Variants in UBAP1 observed in about 807,000 individuals in gnomAD.
UBAP1 encodes ubiquitin associated protein 1.
In UBAP1, 5 loss-of-function variants were observed where a neutral mutation model predicts 39.0. That is an observed-to-expected ratio of 0.13 (90% CI 0.07 to 0.27). UBAP1 has a LOEUF of 0.27. UBAP1 is among the 10% of genes least tolerant of loss of function. The pLI, the probability that UBAP1 is intolerant of heterozygous loss-of-function variation, is 1.00. For missense variants in UBAP1, 490 were observed against 608.1 expected (o/e 0.81, Z 2.04); for synonymous variants, 211 against 225.1 (o/e 0.94, Z 0.56).
intron 2 of UBAP1, among the ~76,000 whole-genome samples, chr9:34,228,527 C>T (rs1057092885): frequency 4.6e-5 from 7 of 151,188 alleles, no homozygotes; most frequent in African/African-American, 7.3e-5. Flanking sequence ...ATAGTACTTA[C>T]GGTGGTCTCT....
chr9:34,184,926 CTTTTTTTTTTT>C (rs35634769), intron 1 of UBAP1, among the ~76,000 whole-genome samples: 6 of 105,030 alleles, frequency 5.7e-5, no homozygotes, highest in Non-Finnish European at 9.8e-5. Flanking sequence ...CCAGCCAATC[CTTTTTTTTTTT>C]TTTTTTTTTT....
At chr9:34,244,255 TTTGA>T (rs1273130240) in intron 4 of UBAP1, among the ~76,000 whole-genome samples, 1 of 151,858 alleles carries the variant, frequency 6.6e-6, no homozygotes, top group African/African-American at 2.4e-5. Context: ...GTTCAATTGC[TTTGA>T]TTTTTAGATC....
chr9:34,189,189 C>CTT (rs779162347), intron 1 of UBAP1, among the ~76,000 whole-genome samples: 196 of 138,864 alleles, frequency 1.4e-3, no homozygotes, highest in Non-Finnish European at 2.1e-3. Flanking sequence ...ATCATTATAT[C>CTT]TTTTTTTTTT....
chr9:34,228,475 T>C (rs1327214758), intron 2 of UBAP1, among the ~76,000 whole-genome samples: 1 of 151,864 alleles, frequency 6.6e-6, no homozygotes, highest in Non-Finnish European at 1.5e-5. Context: ...TTGGTTATAT[T>C]TGGAAGACAT....
intron 1 of UBAP1, among the ~76,000 whole-genome samples, chr9:34,211,380 A>T (rs1832009134): frequency 6.6e-6 from 1 of 152,156 alleles, no homozygotes; most frequent in Non-Finnish European, 1.5e-5. Context: ...TTGAAATGTG[A>T]TGATTCCCAA....
intron 6 of UBAP1, 121 bp downstream of exon 6, chr9:34,250,880 A>G (rs778355685): frequency 1.4e-5 from 11 of 802,306 alleles, no homozygotes; most frequent in Non-Finnish European, 2.3e-5. Context: ...AGGTACAAGT[A>G]TTTGAAGGGC....
At chr9:34,226,126 TG>T (rs1211422129) in intron 2 of UBAP1, among the ~76,000 whole-genome samples, 1,502 of 141,020 alleles carry the variant, frequency 0.011, 31 homozygotes, top group African/African-American at 0.032. Flanking sequence ...TGTGTGTGTG[TG>T]TGTGTGTGTG....
chr9:34,242,925 G>A (rs1029045006), intron 4 of UBAP1, among the ~76,000 whole-genome samples: 2 of 152,158 alleles, frequency 1.3e-5, no homozygotes, highest in Non-Finnish European at 2.9e-5. Flanking sequence ...ACCATAACAA[G>A]CCTGCTATTA....
At chr9:34,222,848 G>GA (rs1176178789) in intron 2 of UBAP1, among the ~76,000 whole-genome samples, 3 of 151,434 alleles carry the variant, frequency 2.0e-5, no homozygotes, top group Non-Finnish European at 4.4e-5. Flanking sequence ...AAGAAAAAGG[G>GA]AAAAAAAGGC....
chr9:34,242,811 C>T lies in UBAP1; in HGVS notation c.1083+703C>T, dbSNP rs36112918. ...AATTCCTGGGATTACAGGGGTGAGC[C>T]GCTGTGTCCGGCCAGCTTACAGATT... On this transcript the variant is annotated intron_variant, in intron 4 of 6. Coordinates refer to ENST00000297661, the MANE Select transcript of UBAP1 (RefSeq NM_016525.5). Among the ~76,000 whole-genome samples, 735 of 152,258 alleles carry T rather than the reference C, an allele frequency of 4.8e-3. 3 individuals are homozygous for T. The highest frequency in any genetic ancestry group is 5.3e-3 in the Non-Finnish European group (363 of 68,014).
At chr9:34,207,114 T>C (rs1831749495) in intron 1 of UBAP1, among the ~76,000 whole-genome samples, 1 of 143,178 alleles carries the variant, frequency 7.0e-6, no homozygotes, top group African/African-American at 2.6e-5. Flanking sequence ...TGCAATGGTG[T>C]GAGCTCAGCT....
At chr9:34,212,184 ATTTC>A in intron 1 of UBAP1, 1 of 193,024 alleles carries the variant, frequency 5.2e-6, no homozygotes, top group South Asian at 7.2e-5. Flanking sequence ...AGTGGCAAAC[ATTTC>A]TTTCAGTCTT....
rs915799530 is a variant in UBAP1 at position 34,179,325 on chromosome 9, T to TG, written c.-8+91dup. 8 of 319,658 alleles carry TG rather than the reference T, an allele frequency of 2.5e-5. No homozygotes were observed. The East Asian group carries it at 3.0e-4, about 12-fold the overall frequency. The allele number at this position is 319,658 out of a possible 1,614,324, so 19.8% of individuals were successfully genotyped here. A position where few individuals can be genotyped will look rare whatever the true frequency, so the allele number is the denominator to read the frequency against. ...GGTACTGGGAGACTGGGAAACGGGATGGGGGGCCGAGCGAGGTGAAGGGCG... is the reference window on the plus strand; with the variant it reads ...GGTACTGGGAGACTGGGAAACGGGATGGGGGGGCCGAGCGAGGTGAAGGGCG... On this transcript the variant is annotated intron_variant, in intron 1 of 6. Coordinates refer to ENST00000297661, the MANE Select transcript of UBAP1 (RefSeq NM_016525.5).
chr9:34,242,191 T>G (rs1281277480), intron 4 of UBAP1, 83 bp downstream of exon 4: 4 of 1,415,916 alleles, frequency 2.8e-6, no homozygotes, highest in Non-Finnish European at 3.8e-6. Context: ...GGTTGATTTT[T>G]TTCGAGACAG....
Position 34,182,681 on chromosome 9 carries a change from T to TTCTCTCTC in UBAP1, c.-8+3445_-8+3452dup, listed in dbSNP as rs1437312393. Among the ~76,000 whole-genome samples, 792 of 115,520 alleles carry TTCTCTCTC rather than the reference T, an allele frequency of 6.9e-3. 26 individuals carry two copies. The highest frequency in any genetic ancestry group is 0.017 in the Middle Eastern group (4 of 242). The allele number at this position is 115,520 out of a possible 152,430, so 75.8% of individuals were successfully genotyped here. A position where few individuals can be genotyped will look rare whatever the true frequency, so the allele number is the denominator to read the frequency against. The stretch of plus-strand genomic sequence containing the variant: ...TTTCTTTCTTTCTTTCTTTCTTTCT[T>TTCTCTCTC]TCTCTCTCTCTTTCTTTTCTTTTCT... On this transcript the variant is annotated intron_variant, in intron 1 of 6. Transcript: ENST00000297661.
intron 1 of UBAP1, among the ~76,000 whole-genome samples, chr9:34,182,708 TCTCTC>T (rs1264105841): frequency 1.4e-5 from 2 of 145,542 alleles, no homozygotes; most frequent in East Asian, 4.0e-4. Flanking sequence ...TTCTTTTCTT[TCTCTC>T]TCTTTCTCTC....
rs908392072 is a variant in UBAP1, at chr9:34,182,025, C to T, written c.-8+2785C>T. On this transcript the variant is annotated intron_variant, in intron 1 of 6. Transcript: ENST00000297661. ...TGTTGCCCAGTCTGATTTTGAACTC[C>T]TGAGCTCAAGTGATCCTCCCACCAC... 1.3e-5 allele frequency among the ~76,000 whole-genome samples: 2 copies of T among 149,180 alleles called. 1 individual carries two copies. The highest frequency in any genetic ancestry group is 5.0e-5 in the African/African-American group (2 of 39,816).
chr9:34,250,847 CT>C, intron 6 of UBAP1, 88 bp downstream of exon 6: 3 of 1,136,052 alleles, frequency 2.6e-6, no homozygotes, highest in East Asian at 2.4e-5. Flanking sequence ...CACACACAAC[CT>C]TTTTGCTTTG....
chr9:34,180,989 T>A (rs1829985198), intron 1 of UBAP1, among the ~76,000 whole-genome samples: 1 of 151,950 alleles, frequency 6.6e-6, no homozygotes, highest in Non-Finnish European at 1.5e-5. Flanking sequence ...TTTTGTATTT[T>A]AGTAGAGACG....
Sources: gnomAD v4.1 joint callset for allele counts (sites outside exome capture counted in the v4.1 genomes callset) on GRCh38, gnomAD v4.1.1 for gene constraint, MANE v1.5 for transcripts, NCBI Gene and HGNC (gene_info 2026-07-23, HGNC 2026-07-21) for gene names.